Variants in SND1 observed in about 807,000 individuals in gnomAD.
SND1 encodes staphylococcal nuclease domain-containing protein 1.
A neutral mutation model predicts 121.7 loss-of-function variants in SND1; 38 were observed. The ratio of observed to expected loss-of-function variants is 0.31; its 90% CI spans 0.24 to 0.41. The LOEUF (loss-of-function observed/expected upper bound fraction) is 0.41, where lower values mean the gene tolerates loss of function less well. Ranked by LOEUF, SND1 falls within the 10% of genes least tolerant of loss-of-function variation. The pLI, the probability that SND1 is intolerant of heterozygous loss-of-function variation, is 1.00. For synonymous variants in SND1, 401 were observed against 447.4 expected (o/e 0.90, Z 1.31); for missense variants, 868 against 1,184.6 (o/e 0.73, Z 3.92).
chr7:128,029,675 A>G lies in SND1; in HGVS notation c.1779+38619A>G. 1 of 1,613,918 alleles carries G rather than the reference A, an allele frequency of 6.2e-7. No homozygotes were observed. The highest frequency in any genetic ancestry group is 8.5e-7 in the Non-Finnish European group (1 of 1,179,980). On this transcript the variant is annotated intron_variant, in intron 16 of 23. Coordinates refer to ENST00000354725, the MANE Select transcript of SND1 (RefSeq NM_014390.4). The surrounding 1 kb of genome is among the most constrained non-coding windows in gnomAD (Gnocchi z 4.2). ...CATGACAGCGGCCACAGCAGGTGGAATTGGTGGGTATATACTCTCGAAGCC... is the reference window on the plus strand; with the variant it reads ...CATGACAGCGGCCACAGCAGGTGGAGTTGGTGGGTATATACTCTCGAAGCC...
chr7:127,704,170 T>G (rs569465599), intron 7 of SND1, among the ~76,000 whole-genome samples: 1 of 152,350 alleles, frequency 6.6e-6, no homozygotes, highest in East Asian at 1.9e-4. Context: ...GGCCTTCTTT[T>G]TAACACCTGA....
intron 17 of SND1, among the ~76,000 whole-genome samples, chr7:128,081,009 T>A (rs866289400): frequency 6.6e-6 from 1 of 151,914 alleles, no homozygotes; most frequent in Non-Finnish European, 1.5e-5. Flanking sequence ...TTTTTTCTTC[T>A]TTTTTGAGAC....
intron 11 of SND1, among the ~76,000 whole-genome samples, chr7:127,823,316 C>T (rs1187043783): frequency 1.3e-5 from 2 of 152,176 alleles, no homozygotes; most frequent in Non-Finnish European, 2.9e-5. Flanking sequence ...GTGCTTGGTT[C>T]CCCTGACTAG....
At chr7:127,857,976 GA>G in intron 12 of SND1, 1 of 1,430,482 alleles carries the variant, frequency 7.0e-7, no homozygotes, top group Non-Finnish European at 9.9e-7. Context: ...GGTCGCTGGT[GA>G]AGGGCCCATG....
At chr7:127,842,009 A>G (rs1424192018) in intron 11 of SND1, among the ~76,000 whole-genome samples, 1 of 152,176 alleles carries the variant, frequency 6.6e-6, no homozygotes, top group Admixed American at 6.5e-5. Context: ...CTTCTAAAGC[A>G]TGATTCAATG....
chr7:128,003,023 AC>A (rs1269104851), intron 16 of SND1, among the ~76,000 whole-genome samples: 1 of 152,204 alleles, frequency 6.6e-6, no homozygotes, highest in African/African-American at 2.4e-5. Flanking sequence ...GGATTTCAAG[AC>A]CAGCCTGGCC....
At chr7:128,004,254 A>G (rs2116937521) in intron 16 of SND1, among the ~76,000 whole-genome samples, 1 of 131,972 alleles carries the variant, frequency 7.6e-6, no homozygotes, top group East Asian at 2.1e-4. Context: ...GCCAGCTGCA[A>G]AATGGAAGAA....
At chr7:127,957,689 T>A (rs1284409966) in intron 15 of SND1, among the ~76,000 whole-genome samples, 1 of 150,742 alleles carries the variant, frequency 6.6e-6, no homozygotes, top group East Asian at 1.9e-4. Context: ...TTATTTTATT[T>A]ATTTGTTTAT....
intron 11 of SND1, among the ~76,000 whole-genome samples, chr7:127,810,814 A>G (rs1261103609): frequency 6.6e-6 from 1 of 152,254 alleles, no homozygotes; most frequent in Non-Finnish European, 1.5e-5. Flanking sequence ...CATGTGATAC[A>G]GTTTTTTAAA....
At chr7:128,022,525 A>T (rs1803380215) in intron 16 of SND1, among the ~76,000 whole-genome samples, 1 of 152,206 alleles carries the variant, frequency 6.6e-6, no homozygotes, top group South Asian at 2.1e-4. Context: ...TCTCCCAGGG[A>T]TATCCCCCAC....
At chr7:127,918,427 A>C (rs1460464271) in intron 14 of SND1, among the ~76,000 whole-genome samples, 1 of 152,106 alleles carries the variant, frequency 6.6e-6, no homozygotes, top group African/African-American at 2.4e-5. Context: ...ATTTTTTGTC[A>C]AAGTTTCTGT....
chr7:128,063,495 G>A (rs1793265002), intron 16 of SND1, among the ~76,000 whole-genome samples: 1 of 152,152 alleles, frequency 6.6e-6, no homozygotes, highest in African/African-American at 2.4e-5. Context: ...CTTGAAATAG[G>A]CCTTCTCCAG....
chr7:127,919,229 A>T (rs575987569), intron 14 of SND1, among the ~76,000 whole-genome samples: 1 of 152,236 alleles, frequency 6.6e-6, no homozygotes, highest in East Asian at 1.9e-4. Context: ...ATTTTAAGGT[A>T]ATTTTTATAT....
At chr7:127,662,156 C>T (rs939736819) in intron 1 of SND1, among the ~76,000 whole-genome samples, 1 of 152,014 alleles carries the variant, frequency 6.6e-6, no homozygotes, top group Non-Finnish European at 1.5e-5. Context: ...CCTTGCCCCT[C>T]AGTTTTCTAC....
chr7:128,038,997 C>T (rs1792802921), intron 16 of SND1, among the ~76,000 whole-genome samples: 1 of 152,194 alleles, frequency 6.6e-6, no homozygotes, highest in Non-Finnish European at 1.5e-5. Flanking sequence ...CCATGGCCCA[C>T]AGGCCCTAAG....
At chr7:128,036,365 C>T (rs1338543864) in intron 16 of SND1, among the ~76,000 whole-genome samples, 2 of 152,192 alleles carry the variant, frequency 1.3e-5, no homozygotes, top group Non-Finnish European at 2.9e-5. Flanking sequence ...GCCATTACTA[C>T]CCACAGTCAT....
chr7:127,857,117 A>G (rs1340127437), intron 12 of SND1, among the ~76,000 whole-genome samples: 1 of 151,424 alleles, frequency 6.6e-6, no homozygotes, highest in African/African-American at 2.4e-5. Context: ...TATTGCTTGT[A>G]CTAGAACTAT....
Position 127,672,500 on chromosome 7 carries a change from C to G in SND1, c.79-14113C>G, listed in dbSNP as rs59022386. ...TGGCATGTGCCTGTAGTCCCAGCTA[C>G]TACTCGGGGGGCTGAGACCGGAGAA... On this transcript the variant is annotated intron_variant, in intron 1 of 23. Coordinates refer to ENST00000354725, the MANE Select transcript of SND1 (RefSeq NM_014390.4). 3.3e-3 allele frequency among the ~76,000 whole-genome samples: 500 copies of G among 152,092 alleles called. 2 individuals are homozygous for G. Among genetic ancestry groups the G allele is most frequent in the African/African-American group, 0.011 (441 of 41,452 alleles).
intron 16 of SND1, among the ~76,000 whole-genome samples, chr7:128,007,218 GTCAGACGGATCTTCC>G (rs1803001408): frequency 6.6e-6 from 1 of 152,066 alleles, no homozygotes; most frequent in African/African-American, 2.4e-5. Context: ...CCTCAGCTTT[GTCAGACGGATCTTCC>G]TCCTTTTTAG....
Sources: allele counts gnomAD v4.1 joint callset (sites outside exome capture counted in the v4.1 genomes callset), GRCh38; gene constraint gnomAD v4.1.1; non-coding constraint Gnocchi (gnomAD v3.1); transcripts MANE v1.5; gene names NCBI Gene and HGNC (gene_info 2026-07-23, HGNC 2026-07-21).